PLK2: variants seen among roughly 807,000 people sequenced by gnomAD.
The protein encoded by PLK2 is serine/threonine-protein kinase PLK2.
A neutral mutation model predicts 78.1 loss-of-function variants in PLK2; 25 were observed. That is an observed-to-expected ratio of 0.32 (90% CI 0.23 to 0.45). The LOEUF (loss-of-function observed/expected upper bound fraction) is 0.45, where lower values mean the gene tolerates loss of function less well. Ranked by LOEUF, PLK2 falls within the 20% of genes least tolerant of loss-of-function variation. The pLI, the probability that PLK2 is intolerant of heterozygous loss-of-function variation, is 1.00. For missense variants in PLK2, 566 were observed against 840.2 expected, an observed-to-expected ratio of 0.67 and a Z score of 4.04; for synonymous variants, 332 against 298.2, an observed-to-expected ratio of 1.11 and a Z score of -1.17.
chr5:58,457,381 T>C lies in PLK2; in HGVS notation c.810-2A>G. 6.2e-7 allele frequency: 1 copy of C among 1,608,840 alleles called. No homozygotes were observed. Among genetic ancestry groups the C allele is most frequent in the Non-Finnish European group, 8.5e-7 (1 of 1,175,144 alleles). On this transcript the variant is annotated splice_acceptor_variant, in intron 6 of 13. Coordinates refer to ENST00000274289, the MANE Select transcript of PLK2 (RefSeq NM_006622.4). LOFTEE classifies it high-confidence loss of function. ...GGCCTCCCTAGTAACATTGTATACC[T>C]GTGTGCAAAGAAACACATCTTTAGC...
chr5:58,457,576 A>G lies in PLK2; in HGVS notation c.721T>C (p.Cys241Arg). 1 of 1,600,234 alleles carries G rather than the reference A, an allele frequency of 6.2e-7. No homozygotes were observed. Among genetic ancestry groups the G allele is most frequent in the Non-Finnish European group, 8.6e-7 (1 of 1,167,314 alleles). Residue 241 changes from cysteine (C) to arginine (R), a missense_variant, in exon 6 of 14, where the codon TGT becomes CGT. Around this residue, in one of 5 missense-constraint regions of PLK2, gnomAD observed 179 missense variants for 342.3 expected, o/e 0.52. Transcript: ENST00000274289. Reference protein sequence around the residue: ...EPLEHRRRTICGTPNYLSPEV... With the variant: ...EPLEHRRRTIRGTPNYLSPEV... ...GGAGAGAGATAATTTGGGGTACCAC[A>G]TATCGTTCTGGAAAGACAAAATATT...
chr5:58,459,288 G>T, intron 1 of PLK2, 196 bp from the exon 2 acceptor site: 1 of 593,604 alleles, frequency 1.7e-6, no homozygotes, highest in East Asian at 2.8e-5. Flanking sequence ...GAAACAGCAA[G>T]TTCAAACAGT....
In PLK2 at chr5:58,458,068, T is replaced by A. The variant is rs766837541; in HGVS notation, c.713+16A>T. 1.9e-6 allele frequency: 3 copies of A among 1,561,252 alleles called. No individual in the cohort carries two copies. Among genetic ancestry groups the A allele is most frequent in the African/African-American group, 1.4e-5 (1 of 73,804 alleles). ...CTCCACAAAAGTCTACTAGGATGCA[T>A]CTTTCTGACTCTTACCTCCTTCTGT... On this transcript the variant is annotated intron_variant, in intron 5 of 13. Transcript: ENST00000274289.
Position 58,454,464 on chromosome 5 carries a change from A to C in PLK2, c.*119T>G. On this transcript the variant is annotated 3_prime_UTR_variant, in exon 14 of 14. Coordinates refer to ENST00000274289, the MANE Select transcript of PLK2 (RefSeq NM_006622.4). ...AACCAGTCCAGCAGGCCACAGGGGAATTGTTTTCGTACCACCACATGTCCA... is the reference window on the plus strand; with the variant it reads ...AACCAGTCCAGCAGGCCACAGGGGACTTGTTTTCGTACCACCACATGTCCA... 1.4e-6 allele frequency: 1 copy of C among 719,190 alleles called. No homozygotes were observed. Among genetic ancestry groups the C allele is most frequent in the Non-Finnish European group, 2.4e-6 (1 of 425,432 alleles). 44.6% of individuals were successfully genotyped at this position (719,190 alleles called of 1,614,324 possible). A position where few individuals can be genotyped will look rare whatever the true frequency, so the allele number is the denominator to read the frequency against.
chr5:58,455,855 G>A, intron 10 of PLK2, 76 bp from the exon 11 acceptor site: 8 of 1,549,608 alleles, frequency 5.2e-6, no homozygotes, highest in Non-Finnish European at 7.0e-6. Flanking sequence ...TAGATGCTAA[G>A]TTTCACTCCA....
At position 58,454,712 on chromosome 5, in the gene PLK2, G is replaced by C. The variant is rs757236997; in HGVS notation, c.1929C>G (p.Leu643=). The C allele has an allele frequency of 1.2e-6, 2 of 1,612,796 alleles. No homozygotes were observed. The highest frequency in any genetic ancestry group is 1.7e-6 in the Non-Finnish European group (2 of 1,178,864). Reference sequence around the variant, plus strand: ...ATATCCTATCCTCATTGATGTAGGTGAGAAGGTATTCTTCATTTTGGCTAC... The same window carrying C: ...ATATCCTATCCTCATTGATGTAGGTCAGAAGGTATTCTTCATTTTGGCTAC... The part of the protein sequence containing the change: ...IICSQNEEYL[L]TYINEDRIST... The change falls in exon 14 of 14, where the codon CTC becomes CTG. Residue 643 remains leucine, a synonymous_variant. Transcript: ENST00000274289.
Position 58,454,976 on chromosome 5 carries a change from A to G in PLK2, c.1801T>C (p.Tyr601His). The change falls in exon 13 of 14, where the codon TAC becomes CAC. Residue 601 changes from tyrosine (Y) to histidine (H), a missense_variant. This residue lies in a region of PLK2 where 130 missense variants were observed against 196.4 expected (regional missense o/e 0.66). Coordinates refer to ENST00000274289, the MANE Select transcript of PLK2 (RefSeq NM_006622.4). ...SVTDIRRPRL[Y>H]LLQWLKSDKA... ...TCAGATTTTAGCCACTGAAGGAGGT[A>G]GAGCCGAGGTCTTCGAATATCAGTA... The G allele has an allele frequency of 6.2e-7, 1 of 1,613,284 alleles. No homozygotes were observed. Among genetic ancestry groups the G allele is most frequent in the Non-Finnish European group, 8.5e-7 (1 of 1,179,206 alleles).
chr5:58,454,893 C>T lies in PLK2; in HGVS notation c.1866+18G>A. ...TGTTTAGGACCTAAACGTGCACTTT[C>T]CTGAAGAGTTCATTTACCTGAAAGG... On this transcript the variant is annotated intron_variant, in intron 13 of 13. Transcript: ENST00000274289. 1 of 1,542,948 alleles carries T rather than the reference C, an allele frequency of 6.5e-7. No homozygotes were observed. The highest frequency in any genetic ancestry group is 1.1e-5 in the South Asian group (1 of 89,676).
chr5:58,457,790 C>A lies in PLK2; in HGVS notation c.714-207G>T, dbSNP rs927217862. The A allele has an allele frequency of 1.2e-5, 7 of 594,006 alleles. No individual in the cohort carries two copies. In the African/African-American group the frequency reaches 1.3e-4, roughly 11 times the overall value. 36.8% of individuals were successfully genotyped at this position (594,006 alleles called of 1,614,324 possible). A position where few individuals can be genotyped will look rare whatever the true frequency, so the allele number is the denominator to read the frequency against. The stretch of plus-strand genomic sequence containing the variant: ...TTTTGGTAATTTTTAAAAATGCACA[C>A]ACGTTGTTTTAGCCCACATGCAAAG... On this transcript the variant is annotated intron_variant, in intron 5 of 13. Transcript: ENST00000274289.
At chr5:58,456,681 C>A in intron 8 of PLK2, 92 bp from the exon 9 acceptor site, 1 of 850,196 alleles carries the variant, frequency 1.2e-6, no homozygotes, top group Non-Finnish European at 1.9e-6. Flanking sequence ...GCATTATTGA[C>A]CAACTTATGA....
At chr5:58,458,350 G>C in intron 4 of PLK2, 49 bp downstream of exon 4, 1 of 1,594,818 alleles carries the variant, frequency 6.3e-7, no homozygotes. Context: ...AACAGAGAGA[G>C]AAAAAAGAAC....
intron 1 of PLK2, 147 bp from the exon 2 acceptor site, chr5:58,459,239 CT>C (rs1442181817): frequency 4.1e-5 from 25 of 616,920 alleles, no homozygotes; most frequent in African/African-American, 1.9e-5. Flanking sequence ...AGGCATTCGA[CT>C]TCGTTAAAGC....
In PLK2 at chr5:58,457,737, A is replaced by C; in HGVS notation, c.714-154T>G. 5 of 611,914 alleles carry C rather than the reference A, an allele frequency of 8.2e-6. No individual in the cohort carries two copies. The South Asian group carries it at 1.0e-4, about 12-fold the overall frequency. 37.9% of individuals were successfully genotyped at this position (611,914 alleles called of 1,614,324 possible). A position where few individuals can be genotyped will look rare whatever the true frequency, so the allele number is the denominator to read the frequency against. On this transcript the variant is annotated intron_variant, in intron 5 of 13. Coordinates refer to ENST00000274289, the MANE Select transcript of PLK2 (RefSeq NM_006622.4). ...GAAACATTTGACTTTTGGCATCTGA[A>C]AATTCAATTGAGATCTGACCAAATG...
rs1561215178 is a variant in PLK2, at chr5:58,454,794, C to CA, written c.1867-21dup. The stretch of plus-strand genomic sequence containing the variant: ...ATTCACCTTAAAAAATAAACATAGA[C>CA]ATTAGATCTCTCAAAATATTCGAGA... On this transcript the variant is annotated intron_variant, in intron 13 of 13. Coordinates refer to ENST00000274289, the MANE Select transcript of PLK2 (RefSeq NM_006622.4). 2 of 1,551,764 alleles carry CA rather than the reference C, an allele frequency of 1.3e-6. No homozygotes were observed. The highest frequency in any genetic ancestry group is 1.8e-6 in the Non-Finnish European group (2 of 1,128,738).
At position 58,455,822 on chromosome 5, in the gene PLK2, A is replaced by G. The variant is rs571991697; in HGVS notation, c.1385-43T>C. 6 of 1,604,246 alleles carry G rather than the reference A, an allele frequency of 3.7e-6. No homozygotes were observed. The African/African-American group carries it at 5.3e-5, about 14-fold the overall frequency. ...AATGTTTCAAGTTATACAATATTTTAGCAATAAAACCTCAGGCTTTGGTAG... is the reference window on the plus strand; with the variant it reads ...AATGTTTCAAGTTATACAATATTTTGGCAATAAAACCTCAGGCTTTGGTAG... On this transcript the variant is annotated intron_variant, in intron 10 of 13. Coordinates refer to ENST00000274289, the MANE Select transcript of PLK2 (RefSeq NM_006622.4).
chr5:58,456,218 C>T (rs375121575), intron 9 of PLK2, 63 bp from the exon 10 acceptor site: 118 of 1,504,476 alleles, frequency 7.8e-5, no homozygotes, highest in East Asian at 3.8e-4. Context: ...GGTGAGAATT[C>T]CAGATTAAGA....
intron 1 of PLK2, 71 bp from the exon 2 acceptor site, chr5:58,459,163 A>T (rs1743687288): frequency 1.2e-6 from 1 of 821,254 alleles, no homozygotes; most frequent in African/African-American, 1.7e-5. Context: ...TTAAATAAAT[A>T]AATAAATGGG....
At chr5:58,458,346 G>T in intron 4 of PLK2, 53 bp downstream of exon 4, 1 of 1,584,152 alleles carries the variant, frequency 6.3e-7, no homozygotes, top group Non-Finnish European at 8.7e-7. Context: ...AAAAAACAGA[G>T]AGAGAAAAAA....
rs369030098 is a variant in PLK2 at position 58,456,570 on chromosome 5, A to G, written c.1176T>C (p.Asp392=). ...CATGCCTAAGCTTGTAGATGTCTTC[A>G]TCTTCTTTAGACACTCTATCTGTAT... ...IDTHNRVSKE[D]EDIYKLRHDL... is the part of the protein sequence containing the mutation. The change falls in exon 9 of 14, where the codon GAT becomes GAC. Residue 392 remains aspartate, a synonymous_variant. Coordinates refer to ENST00000274289, the MANE Select transcript of PLK2 (RefSeq NM_006622.4). 1.2e-6 allele frequency: 2 copies of G among 1,600,210 alleles called. No homozygotes were observed. The highest frequency in any genetic ancestry group is 2.2e-5 in the East Asian group (1 of 44,758).
Sources: gnomAD v4.1 joint callset for allele counts on GRCh38, gnomAD v4.1.1 for gene constraint, gnomAD v4.1.1 regional missense constraint, MANE v1.5 for transcripts, NCBI Gene and HGNC (gene_info 2026-07-23, HGNC 2026-07-21) for gene names.